The following GALNT13 variants were observed in gnomAD, a reference collection of about 807,000 sequenced individuals.
The protein encoded by GALNT13 is UDP-GalNAc:polypeptide N-acetylgalactosaminyltransferase 13.
In GALNT13, 28 loss-of-function variants were observed where a neutral mutation model predicts 64.2. That is an observed-to-expected ratio of 0.44 (90% CI 0.32 to 0.60). The LOEUF (loss-of-function observed/expected upper bound fraction) is 0.60, where lower values mean the gene tolerates loss of function less well. GALNT13 is among the 20% of genes least tolerant of loss of function. The pLI is 0.05. For synonymous variants in GALNT13, 214 were observed against 224.6 expected (o/e 0.95, Z 0.42); for missense variants, 577 against 669.8 (o/e 0.86, Z 1.53).
chr2:153,098,458 A>C, the GALNT13 span, among the ~76,000 whole-genome samples: 1 of 152,192 alleles, frequency 6.6e-6, no homozygotes, highest in Non-Finnish European at 1.5e-5. Flanking sequence ...TTCCTGACTT[A>C]TCTTTATAGT....
At chr2:153,250,000 C>A in the GALNT13 span, among the ~76,000 whole-genome samples, 1 of 152,090 alleles carries the variant, frequency 6.6e-6, no homozygotes, top group Non-Finnish European at 1.5e-5. Context: ...GAATAAAACA[C>A]AAAAAGCAAC....
chr2:154,123,502 C>T (rs964015681), intron 3 of GALNT13, among the ~76,000 whole-genome samples: 7 of 151,406 alleles, frequency 4.6e-5, no homozygotes, highest in African/African-American at 1.7e-4. Context: ...TATATTAGAC[C>T]CTTTTAAAAA....
At chr2:154,305,140 T>A (rs951971534) in intron 9 of GALNT13, among the ~76,000 whole-genome samples, 2 of 152,252 alleles carry the variant, frequency 1.3e-5, no homozygotes, top group African/African-American at 4.8e-5. Context: ...CTATTATTTT[T>A]ATGACAACAA....
the GALNT13 span, among the ~76,000 whole-genome samples, chr2:153,366,293 A>C: frequency 6.6e-6 from 1 of 151,996 alleles, no homozygotes; most frequent in Non-Finnish European, 1.5e-5. Flanking sequence ...TAATGCATGC[A>C]TGATTTAAAA....
At chr2:153,259,137 T>C in the GALNT13 span, among the ~76,000 whole-genome samples, 1 of 152,208 alleles carries the variant, frequency 6.6e-6, no homozygotes, top group Non-Finnish European at 1.5e-5. Context: ...TTAAAATTGT[T>C]ATGTCCTCTT....
the GALNT13 span, among the ~76,000 whole-genome samples, chr2:153,702,821 T>G: frequency 6.6e-6 from 1 of 152,070 alleles, no homozygotes; most frequent in Non-Finnish European, 1.5e-5. Context: ...AGATCTGTAG[T>G]AAGGAGATAT....
the GALNT13 span, among the ~76,000 whole-genome samples, chr2:153,300,611 CAA>C: frequency 6.6e-6 from 1 of 152,144 alleles, no homozygotes; most frequent in African/African-American, 2.4e-5. Flanking sequence ...TACTTTGAAT[CAA>C]GACTACATAG....
At chr2:154,372,004 T>C (rs1222971718) in intron 9 of GALNT13, among the ~76,000 whole-genome samples, 1 of 152,064 alleles carries the variant, frequency 6.6e-6, no homozygotes, top group Admixed American at 6.6e-5. Flanking sequence ...ATTCATTGCC[T>C]AAACTGATAT....
the GALNT13 span, among the ~76,000 whole-genome samples, chr2:153,299,306 G>A: frequency 6.6e-6 from 1 of 152,152 alleles, no homozygotes; most frequent in South Asian, 2.1e-4. Context: ...TAAGAATTCT[G>A]AACTAGGATG....
the GALNT13 span, among the ~76,000 whole-genome samples, chr2:153,125,682 T>C: frequency 1 from 152,028 of 152,338 alleles, 75,861 homozygotes; most frequent in Middle Eastern, 1. Context: ...AATGTAATTA[T>C]GTGAAATACA....
chr2:154,292,492 C>T (rs1454264885), intron 8 of GALNT13, among the ~76,000 whole-genome samples: 3 of 152,120 alleles, frequency 2.0e-5, no homozygotes, highest in Non-Finnish European at 4.4e-5. Context: ...TTGCCTTAAT[C>T]CTCATAACAA....
At chr2:154,141,229 A>G (rs776320476) in intron 4 of GALNT13, among the ~76,000 whole-genome samples, 1 of 152,144 alleles carries the variant, frequency 6.6e-6, no homozygotes, top group Non-Finnish European at 1.5e-5. Flanking sequence ...CGCTACTTGT[A>G]GACTTTATAA....
intron 9 of GALNT13, among the ~76,000 whole-genome samples, chr2:154,317,498 A>G (rs1694387316): frequency 6.6e-6 from 1 of 152,168 alleles, no homozygotes; most frequent in Non-Finnish European, 1.5e-5. Flanking sequence ...CAAACTTTCT[A>G]ACTCTAAAAT....
chr2:154,356,993 C>A (rs1696788043), intron 9 of GALNT13, among the ~76,000 whole-genome samples: 2 of 151,668 alleles, frequency 1.3e-5, no homozygotes, highest in South Asian at 4.2e-4. Context: ...TTTTATTAAC[C>A]TGAAGATTGA....
the GALNT13 span, among the ~76,000 whole-genome samples, chr2:153,616,154 T>C: frequency 1.3e-5 from 2 of 151,858 alleles, no homozygotes; most frequent in South Asian, 2.1e-4. Context: ...TTTTTCTGCA[T>C]GTGGATATCC....
chr2:153,444,506 A>G, the GALNT13 span, among the ~76,000 whole-genome samples: 1 of 152,220 alleles, frequency 6.6e-6, no homozygotes, highest in Non-Finnish European at 1.5e-5. Flanking sequence ...ATTTGATGGT[A>G]TGACTAGGGT....
the GALNT13 span, among the ~76,000 whole-genome samples, chr2:153,089,163 G>T: frequency 2.6e-5 from 4 of 152,266 alleles, no homozygotes; most frequent in South Asian, 8.3e-4. Flanking sequence ...TGTGGTGCTG[G>T]CTTGGTAGTG....
At chr2:154,392,996 C>G (rs1483856969) in intron 9 of GALNT13, among the ~76,000 whole-genome samples, 1 of 152,038 alleles carries the variant, frequency 6.6e-6, no homozygotes, top group Non-Finnish European at 1.5e-5. Flanking sequence ...ATTTGTTTTT[C>G]CTTGAGAAAA....
intron 3 of GALNT13, among the ~76,000 whole-genome samples, chr2:153,949,429 T>A (rs763551176): frequency 5.9e-5 from 9 of 151,684 alleles, no homozygotes; most frequent in Non-Finnish European, 1.3e-4. Context: ...TAATCCCAGG[T>A]ACTCAGAAAA....
Sources: allele counts gnomAD v4.1 joint callset (sites outside exome capture counted in the v4.1 genomes callset), GRCh38; gene constraint gnomAD v4.1.1; transcripts MANE v1.5; gene names NCBI Gene and HGNC (gene_info 2026-07-23, HGNC 2026-07-21).